Variants in LUZP2 observed in about 807,000 individuals in gnomAD.
LUZP2 encodes leucine zipper protein 2.
In LUZP2, 52 loss-of-function variants were observed where a neutral mutation model predicts 51.6. The observed-to-expected ratio is 1.01, with a 90% CI of 0.81 to 1.27. The LOEUF (loss-of-function observed/expected upper bound fraction) is 1.27, where lower values mean the gene tolerates loss of function less well. LUZP2 is among the 50% of genes most tolerant of loss of function. The pLI is 0.00. For synonymous variants in LUZP2, 154 were observed against 137.3 expected (o/e 1.12, Z -0.85); for missense variants, 436 against 395.4 (o/e 1.10, Z -0.87).
chr11:24,682,627 T>TGCATGTGTTC (rs1565074712), intron 1 of LUZP2, among the ~76,000 whole-genome samples: 1 of 147,568 alleles, frequency 6.8e-6, no homozygotes, highest in Admixed American at 6.8e-5. Flanking sequence ...TATATATATA[T>TGCATGTGTTC]ATACACATAT....
At position 24,817,867 on chromosome 11, in the gene LUZP2, T is replaced by C. The variant is rs532060227; in HGVS notation, c.396+54559T>C. Among the ~76,000 whole-genome samples, 5 of 152,228 alleles carry C rather than the reference T, an allele frequency of 3.3e-5. No individual in the cohort carries two copies. In the East Asian group the frequency reaches 9.6e-4, roughly 29 times the overall value. On this transcript the variant is annotated intron_variant, in intron 5 of 11. Coordinates refer to ENST00000336930, the MANE Select transcript of LUZP2 (RefSeq NM_001009909.4). The stretch of plus-strand genomic sequence containing the variant: ...TTCCCAGGGGTAGCCTGTCATACAC[T>C]GTGTAATATTTTCATGTATTATGAA...
intron 4 of LUZP2, among the ~76,000 whole-genome samples, chr11:24,745,441 C>T (rs1274458358): frequency 1.3e-5 from 2 of 152,056 alleles, no homozygotes; most frequent in Non-Finnish European, 2.9e-5. Context: ...TTGGACAAGG[C>T]CTTTTACCAT....
At chr11:24,545,959 G>C (rs1851526191) in intron 1 of LUZP2, among the ~76,000 whole-genome samples, 1 of 151,854 alleles carries the variant, frequency 6.6e-6, no homozygotes, top group African/African-American at 2.4e-5. Context: ...TGATTTCTTT[G>C]AGCAGTGCTT....
intron 9 of LUZP2, among the ~76,000 whole-genome samples, chr11:24,993,714 A>G (rs1856417199): frequency 1.3e-5 from 2 of 152,022 alleles, no homozygotes; most frequent in Non-Finnish European, 2.9e-5. Context: ...TCAAATTATT[A>G]TATTTTATTT....
At chr11:24,826,904 A>G (rs1332091478) in intron 5 of LUZP2, among the ~76,000 whole-genome samples, 1 of 124,668 alleles carries the variant, frequency 8.0e-6, no homozygotes, top group Non-Finnish European at 1.8e-5. Flanking sequence ...AAGATTTCTC[A>G]TGCTGGTGTT....
chr11:25,066,176 G>GA (rs11424354), intron 10 of LUZP2, among the ~76,000 whole-genome samples: 79,483 of 150,992 alleles, frequency 0.53, 21,596 homozygotes, highest in African/African-American at 0.6. Context: ...TTTTGTGACT[G>GA]AAAAAATCTC....
At chr11:24,781,715 G>GT (rs889420303) in intron 5 of LUZP2, among the ~76,000 whole-genome samples, 8 of 151,922 alleles carry the variant, frequency 5.3e-5, no homozygotes, top group East Asian at 1.9e-4. Flanking sequence ...TAGAAAGGAA[G>GT]TTTTTTTTAA....
At chr11:24,596,071 G>A (rs1437888652) in intron 1 of LUZP2, among the ~76,000 whole-genome samples, 1 of 152,112 alleles carries the variant, frequency 6.6e-6, no homozygotes, top group Admixed American at 6.6e-5. Context: ...TTTTTAAACT[G>A]CAGTAGTAGA....
chr11:24,879,576 A>G (rs1310170622), intron 5 of LUZP2, among the ~76,000 whole-genome samples: 1 of 152,180 alleles, frequency 6.6e-6, no homozygotes, highest in African/African-American at 2.4e-5. Context: ...CCTCACCAGC[A>G]TCTACTGTTT....
intron 9 of LUZP2, among the ~76,000 whole-genome samples, chr11:25,009,062 A>G (rs76140077): frequency 0.03 from 4,636 of 152,272 alleles, 221 homozygotes; most frequent in African/African-American, 0.1. Context: ...AAACACTAAT[A>G]TACAAAAAGG....
rs2134069431 is a variant in LUZP2, at chr11:25,082,624, A to G, written c.*3966A>G. ...AAGATGGCCTATTTTTGTTCAATAA[A>G]GATTGTTACAAGAATACAATGTATA... On this transcript the variant is annotated 3_prime_UTR_variant, in exon 12 of 12. Coordinates refer to ENST00000336930, the MANE Select transcript of LUZP2 (RefSeq NM_001009909.4). The G allele has an allele frequency of 6.6e-6, 1 of 152,320 alleles. No homozygotes were observed. Among genetic ancestry groups the G allele is most frequent in the South Asian group, 2.1e-4 (1 of 4,826 alleles). 9.4% of individuals were successfully genotyped at this position (152,320 alleles called of 1,614,324 possible).
intron 5 of LUZP2, among the ~76,000 whole-genome samples, chr11:24,825,995 A>C (rs1376002119): frequency 6.6e-6 from 1 of 151,362 alleles, no homozygotes; most frequent in Non-Finnish European, 1.5e-5. Context: ...ACCACGGTGA[A>C]ACCCTGTCTC....
chr11:24,906,738 C>T (rs1296027122), intron 6 of LUZP2, among the ~76,000 whole-genome samples: 1 of 152,058 alleles, frequency 6.6e-6, no homozygotes, highest in Non-Finnish European at 1.5e-5. Context: ...ACTGTTTTAG[C>T]TGCATCCTCC....
intron 1 of LUZP2, among the ~76,000 whole-genome samples, chr11:24,728,207 A>G (rs1858559719): frequency 6.6e-6 from 1 of 151,906 alleles, no homozygotes; most frequent in South Asian, 2.1e-4. Context: ...CTTCCCTCTC[A>G]GTGAAGGGCT....
intron 5 of LUZP2, among the ~76,000 whole-genome samples, chr11:24,806,290 T>A (rs1849854736): frequency 6.6e-6 from 1 of 152,180 alleles, no homozygotes; most frequent in Non-Finnish European, 1.5e-5. Flanking sequence ...TGTGAATCAG[T>A]TGTTAAGTTG....
intron 1 of LUZP2, among the ~76,000 whole-genome samples, chr11:24,509,518 A>G (rs1165776189): frequency 6.7e-6 from 1 of 148,846 alleles, no homozygotes; most frequent in African/African-American, 2.4e-5. Context: ...TATAATGTGT[A>G]TATGTATTAT....
At chr11:24,543,868 T>C (rs1370024256) in intron 1 of LUZP2, among the ~76,000 whole-genome samples, 2 of 146,524 alleles carry the variant, frequency 1.4e-5, no homozygotes, top group East Asian at 4.1e-4. Context: ...GACTGCAATA[T>C]TTCCGGGTAG....
At chr11:24,867,810 A>G (rs11028239) in intron 5 of LUZP2, among the ~76,000 whole-genome samples, 23,857 of 152,146 alleles carry the variant, frequency 0.16, 2,051 homozygotes, top group African/African-American at 0.22. Flanking sequence ...AGTAGTTGTC[A>G]AACTATGGTG....
chr11:25,030,718 C>T (rs1455960776), intron 9 of LUZP2, among the ~76,000 whole-genome samples: 1 of 150,024 alleles, frequency 6.7e-6, no homozygotes, highest in Non-Finnish European at 1.5e-5. Context: ...TTGTTTTCCT[C>T]ATTTTGAGAT....
Sources: gnomAD v4.1 joint callset for allele counts (sites outside exome capture counted in the v4.1 genomes callset) on GRCh38, gnomAD v4.1.1 for gene constraint, MANE v1.5 for transcripts, NCBI Gene and HGNC (gene_info 2026-07-23, HGNC 2026-07-21) for gene names.